Variants in SELE observed in about 807,000 individuals in gnomAD.
SELE encodes selectin E.
In SELE, 52 loss-of-function variants were observed where a neutral mutation model predicts 75.8. The ratio of observed to expected loss-of-function variants is 0.69; its 90% CI spans 0.55 to 0.86. The LOEUF (loss-of-function observed/expected upper bound fraction) is 0.86. Among genes scored for constraint, SELE ranks in the 40% least tolerant of loss-of-function variants. The probability of loss-of-function intolerance (pLI) is 0.00; values close to 1 mark genes in which losing one functional copy is unlikely to be tolerated. For missense variants in SELE, 754 were observed against 732.7 expected, an observed-to-expected ratio of 1.03 and a Z score of -0.34; for synonymous variants, 285 against 258.7, an observed-to-expected ratio of 1.10 and a Z score of -0.98.
chr1:169,725,900 A>G lies in SELE; in HGVS notation c.1775+7T>C. On this transcript the variant is annotated splice_region_variant and intron_variant, in intron 12 of 13. Transcript: ENST00000333360. ...AATGGCATGCTTTGTATAAGAATGC[A>G]ACTTACCTGGCAGGAACAAATTTCT... 6.2e-7 allele frequency: 1 copy of G among 1,614,082 alleles called. No homozygotes were observed. Among genetic ancestry groups the G allele is most frequent in the Non-Finnish European group, 8.5e-7 (1 of 1,179,956 alleles).
chr1:169,725,817 G>T lies in SELE; in HGVS notation c.1776-16C>A. ...TTGGCAGCTGCTGTGGAATACATGA[G>T]AACACTAGGTAAAGCACTGTCTTCC... On this transcript the variant is annotated splice_polypyrimidine_tract_variant and intron_variant, in intron 12 of 13. Transcript: ENST00000333360. 6.2e-7 allele frequency: 1 copy of T among 1,613,926 alleles called. No individual in the cohort carries two copies. Among genetic ancestry groups the T allele is most frequent in the Non-Finnish European group, 8.5e-7 (1 of 1,179,898 alleles).
chr1:169,731,942 G>T lies in SELE; in HGVS notation c.422C>A (p.Ala141Asp). The T allele has an allele frequency of 1.2e-6, 2 of 1,603,214 alleles. No homozygotes were observed. The highest frequency in any genetic ancestry group is 8.5e-7 in the Non-Finnish European group (1 of 1,170,320). The change falls in exon 4 of 14, where the codon GCT becomes GAT. Residue 141 changes from alanine to aspartate, a missense_variant and splice_region_variant. Ala to Asp is a moderately radical substitution (Grantham distance 126). Coordinates refer to ENST00000333360, the MANE Select transcript of SELE (RefSeq NM_000450.2). Reference protein sequence around the residue: ...SKKKLALCYTAACTNTSCSGH... With the variant: ...SKKKLALCYTDACTNTSCSGH... ...ACTGCAGGATGTATTGGTACAGGCA[G>T]CTACGGAAAATACAAAGCATGATGA...
intron 1 of SELE, 114 bp downstream of exon 1, chr1:169,733,857 G>A: frequency 1.8e-6 from 1 of 553,022 alleles, no homozygotes. Context: ...AGAAAAGACA[G>A]GTTTTAGCTA....
chr1:169,729,078 C>T (rs1648844083), intron 7 of SELE, 108 bp downstream of exon 7: 1 of 984,562 alleles, frequency 1.0e-6, no homozygotes, highest in African/African-American at 1.6e-5. Flanking sequence ...GGTTGCTCAT[C>T]AAATCTGATT....
intron 3 of SELE, 25 bp downstream of exon 3, chr1:169,732,590 C>T (rs768543992): frequency 1.1e-5 from 17 of 1,534,348 alleles, no homozygotes; most frequent in African/African-American, 4.2e-5. Flanking sequence ...GAAACTACCT[C>T]CCACTGCTGC....
rs61805841 is a variant in SELE, at chr1:169,731,277, C to T, written c.529+558G>A. Among the ~76,000 whole-genome samples the T allele has an allele frequency of 6.2e-3, 946 of 152,228 alleles. 5 individuals carry two copies. The highest frequency in any genetic ancestry group is 0.01 in the Admixed American group (154 of 15,298). On this transcript the variant is annotated intron_variant, in intron 4 of 13. Coordinates refer to ENST00000333360, the MANE Select transcript of SELE (RefSeq NM_000450.2). The stretch of plus-strand genomic sequence containing the variant: ...TTATCACAAAAGCTCTACTGCACAA[C>T]GCTGTGCTAAGGAATCTTGGAGAGA...
Position 169,732,848 on chromosome 1 carries a change from A to G in SELE, c.188T>C (p.Leu63Ser), listed in dbSNP as rs759819020. ...KEEIEYLNSI[L>S]SYSPSYYWIG... ...CCAGTAATAACTTGGTGAATAGCTCAATATGGAGTTTAGGTACTCAATCTC... is the reference window on the plus strand; with the variant it reads ...CCAGTAATAACTTGGTGAATAGCTCGATATGGAGTTTAGGTACTCAATCTC... Residue 63 changes from leucine (L) to serine (S), a missense_variant, in exon 3 of 14, where the codon TTG (leucine) becomes TCG (serine). Physicochemically the swap from Leu to Ser is moderately radical, Grantham distance 145. Transcript: ENST00000333360. The G allele has an allele frequency of 6.2e-7, 1 of 1,614,008 alleles. No homozygotes were observed. The highest frequency in any genetic ancestry group is 8.5e-7 in the Non-Finnish European group (1 of 1,179,994).
intron 12 of SELE, 38 bp from the exon 13 acceptor site, chr1:169,725,839 T>G (rs957778035): frequency 1.9e-6 from 3 of 1,613,944 alleles, no homozygotes; most frequent in Non-Finnish European, 2.5e-6. Flanking sequence ...AAGCACTGTC[T>G]TCCAACATGA....
At chr1:169,730,259 A>G (rs1385540262) in intron 5 of SELE, among the ~76,000 whole-genome samples, 173 bp downstream of exon 5, 1 of 152,090 alleles carries the variant, frequency 6.6e-6, no homozygotes, top group Non-Finnish European at 1.5e-5. Flanking sequence ...ACCTCTCTCA[A>G]CCCAAGCAGG....
intron 5 of SELE, among the ~76,000 whole-genome samples, chr1:169,730,006 G>A (rs1268455451): frequency 1.3e-5 from 2 of 152,230 alleles, no homozygotes; most frequent in African/African-American, 4.8e-5. Context: ...TAGCCCATCA[G>A]AGCCTGAAGA....
chr1:169,723,706 T>G lies in SELE; in HGVS notation c.*819A>C, dbSNP rs535222043. The G allele has an allele frequency of 6.6e-6, 1 of 152,362 alleles. No individual in the cohort carries two copies. Among genetic ancestry groups the G allele is most frequent in the East Asian group, 1.9e-4 (1 of 5,192 alleles). The allele number at this position is 152,362 out of a possible 1,614,324, so 9.4% of individuals were successfully genotyped here. On this transcript the variant is annotated 3_prime_UTR_variant, in exon 14 of 14. Coordinates refer to ENST00000333360, the MANE Select transcript of SELE (RefSeq NM_000450.2). ...AATAGTTTCCCTTTTTGAAATAAAT[T>G]TAAAACAGATGTAACATAATTTGTT...
Position 169,734,057 on chromosome 1 carries a change from T to A in SELE, c.-135A>T, listed in dbSNP as rs1391732806. 6.4e-6 allele frequency: 1 copy of A among 156,992 alleles called. No individual in the cohort carries two copies. The highest frequency in any genetic ancestry group is 1.4e-5 in the Non-Finnish European group (1 of 71,334). 9.7% of individuals were successfully genotyped at this position (156,992 alleles called of 1,614,324 possible). A position where few individuals can be genotyped will look rare whatever the true frequency, so the allele number is the denominator to read the frequency against. ...TCTCAGGTCAGTATAGGAGTTTTGA[T>A]GTGAAGTCAGCCAAGAACAGCTGAA... On this transcript the variant is annotated 5_prime_UTR_variant, in exon 1 of 14. Coordinates refer to ENST00000333360, the MANE Select transcript of SELE (RefSeq NM_000450.2).
intron 5 of SELE, among the ~76,000 whole-genome samples, chr1:169,729,959 TG>T (rs1304212346): frequency 1.3e-5 from 2 of 152,218 alleles, no homozygotes; most frequent in Non-Finnish European, 2.9e-5. Flanking sequence ...TTAGGAGTTA[TG>T]ACTAGTACTG....
chr1:169,730,891 A>T (rs1648896507), intron 4 of SELE, among the ~76,000 whole-genome samples: 1 of 152,128 alleles, frequency 6.6e-6, no homozygotes, highest in Non-Finnish European at 1.5e-5. Context: ...GTTTACCTCA[A>T]AACTGTTCAA....
intron 2 of SELE, 31 bp from the exon 3 acceptor site, chr1:169,733,029 A>G: frequency 1.3e-6 from 2 of 1,524,804 alleles, no homozygotes; most frequent in Non-Finnish European, 1.7e-6. Context: ...GAAATGGTAG[A>G]GTTTGGTACT....
At chr1:169,730,692 A>T in intron 4 of SELE, 75 bp from the exon 5 acceptor site, 1 of 846,284 alleles carries the variant, frequency 1.2e-6, no homozygotes, top group Non-Finnish European at 1.6e-6. Context: ...CTAGAACTAC[A>T]GTTTGGTTTT....
chr1:169,728,293 G>C, intron 7 of SELE, 47 bp from the exon 8 acceptor site: 3 of 1,585,934 alleles, frequency 1.9e-6, no homozygotes, highest in Non-Finnish European at 2.6e-6. Context: ...TGGAACTAGA[G>C]AGTACTTGGC....
rs1200882132 is a variant in SELE at position 169,725,947 on chromosome 1, A to G, written c.1754-19T>C. 1.9e-6 allele frequency: 3 copies of G among 1,613,754 alleles called. No homozygotes were observed. The South Asian group carries it at 3.3e-5, about 18-fold the overall frequency. Reference sequence around the variant, plus strand: ...TTCTTTGCTGCAAAAGAAAAGACAAACAACCATTAATTCAGACTAAATGAC... The same window carrying G: ...TTCTTTGCTGCAAAAGAAAAGACAAGCAACCATTAATTCAGACTAAATGAC... On this transcript the variant is annotated intron_variant, in intron 11 of 13. Transcript: ENST00000333360.
chr1:169,731,718 C>T, intron 4 of SELE, 117 bp downstream of exon 4: 3 of 679,454 alleles, frequency 4.4e-6, no homozygotes, highest in Non-Finnish European at 8.0e-6. Context: ...TCACGATCAC[C>T]ATATGACACC....
Sources: gnomAD v4.1 joint callset for allele counts (sites outside exome capture counted in the v4.1 genomes callset) on GRCh38, gnomAD v4.1.1 for gene constraint, MANE v1.5 for transcripts, NCBI Gene and HGNC (gene_info 2026-07-23, HGNC 2026-07-21) for gene names.